Variants in MLLT10 observed in about 807,000 individuals in gnomAD.
MLLT10 encodes MLLT10 histone lysine methyltransferase DOT1L cofactor.
Under a neutral mutation model 129.1 loss-of-function variants are expected in MLLT10, and 30 were observed. The ratio of observed to expected loss-of-function variants is 0.23; its 90% CI spans 0.17 to 0.32. The LOEUF (loss-of-function observed/expected upper bound fraction) is 0.32, where lower values mean the gene tolerates loss of function less well. Among genes scored for constraint, MLLT10 ranks in the 10% least tolerant of loss-of-function variants. The probability of loss-of-function intolerance (pLI) is 1.00; values close to 1 mark genes in which losing one functional copy is unlikely to be tolerated. For synonymous variants in MLLT10, 490 were observed against 446.4 expected, an observed-to-expected ratio of 1.10 and a Z score of -1.23; for missense variants, 1,119 against 1,268.3, an observed-to-expected ratio of 0.88 and a Z score of 1.79.
intron 3 of MLLT10, among the ~76,000 whole-genome samples, chr10:21,576,287 G>C (rs1442740204): frequency 1.6e-4 from 23 of 147,546 alleles, no homozygotes; most frequent in Non-Finnish European, 2.8e-4. Flanking sequence ...CTGTCGCCCA[G>C]GCTGGAGTGC....
intron 13 of MLLT10, among the ~76,000 whole-genome samples, chr10:21,692,001 C>CAAAA (rs929971187): frequency 1.2e-3 from 57 of 49,356 alleles, no homozygotes; most frequent in Admixed American, 1.8e-3. Flanking sequence ...CTCATATCTA[C>CAAAA]AAAAAAAAAA....
At chr10:21,602,981 C>T (rs1220889810) in intron 5 of MLLT10, among the ~76,000 whole-genome samples, 1 of 152,010 alleles carries the variant, frequency 6.6e-6, no homozygotes, top group Middle Eastern at 3.2e-3. Context: ...ATCCACCTGC[C>T]TCGGCCTCCC....
At chr10:21,658,131 ATATAT>A (rs1206784192) in intron 9 of MLLT10, among the ~76,000 whole-genome samples, 10 of 152,198 alleles carry the variant, frequency 6.6e-5, no homozygotes, top group African/African-American at 1.2e-4. Context: ...TATATCATAA[ATATAT>A]TATACACGAT....
chr10:21,564,509 T>G (rs2039291909), intron 3 of MLLT10: 1 of 152,164 alleles, frequency 6.6e-6, no homozygotes, highest in East Asian at 1.9e-4. Context: ...GTGTCATTAC[T>G]GTTCAGGGAG....
intron 10 of MLLT10, 109 bp downstream of exon 10, chr10:21,670,813 G>A: frequency 2.4e-6 from 3 of 1,233,978 alleles, no homozygotes; most frequent in Non-Finnish European, 3.3e-6. Flanking sequence ...GGATGTTCTA[G>A]ATTATTATAT....
chr10:21,619,205 A>T (rs558151747), intron 8 of MLLT10, among the ~76,000 whole-genome samples: 1 of 152,308 alleles, frequency 6.6e-6, no homozygotes, highest in Admixed American at 6.5e-5. Context: ...TAGCAGAGTT[A>T]GTTTAATTAG....
At chr10:21,689,544 G>GT (rs2053608659) in intron 13 of MLLT10, among the ~76,000 whole-genome samples, 1 of 105,358 alleles carries the variant, frequency 9.5e-6, no homozygotes, top group African/African-American at 3.9e-5. Flanking sequence ...GCTGTGTAAA[G>GT]TAATATATAT....
chr10:21,611,004 T>TTC (rs2044577696), intron 5 of MLLT10, among the ~76,000 whole-genome samples: 3 of 142,286 alleles, frequency 2.1e-5, no homozygotes, highest in Non-Finnish European at 3.1e-5. Context: ...TTTTTTTTTT[T>TTC]CCTTTTTTTG....
At chr10:21,557,078 G>A in intron 3 of MLLT10, 1 of 1,410,754 alleles carries the variant, frequency 7.1e-7, no homozygotes, top group Admixed American at 3.1e-5. Context: ...AAACATTTTT[G>A]AATCATCTCA....
At chr10:21,684,230 T>G (rs963826081) in intron 13 of MLLT10, among the ~76,000 whole-genome samples, 1 of 152,156 alleles carries the variant, frequency 6.6e-6, no homozygotes, top group African/African-American at 2.4e-5. Context: ...TGATTAGTCC[T>G]TGATTGTTTT....
chr10:21,682,864 GT>G (rs1275774762), intron 13 of MLLT10, among the ~76,000 whole-genome samples: 1 of 152,094 alleles, frequency 6.6e-6, no homozygotes, highest in Non-Finnish European at 1.5e-5. Context: ...GGTTTCTTCA[GT>G]TTCCCCAAAG....
At chr10:21,541,005 C>T (rs774009232) in intron 3 of MLLT10, among the ~76,000 whole-genome samples, 3 of 151,912 alleles carry the variant, frequency 2.0e-5, no homozygotes, top group African/African-American at 4.8e-5. Context: ...ACTAAAAATA[C>T]AAAAATTAGC....
intron 5 of MLLT10, among the ~76,000 whole-genome samples, chr10:21,605,973 C>G (rs1310411196): frequency 6.6e-6 from 1 of 151,996 alleles, no homozygotes; most frequent in African/African-American, 2.4e-5. Context: ...CTGGAGTAAG[C>G]AAGTCTATCG....
chr10:21,537,832 C>T (rs2034335743), intron 2 of MLLT10, among the ~76,000 whole-genome samples: 1 of 152,148 alleles, frequency 6.6e-6, no homozygotes, highest in South Asian at 2.1e-4. Flanking sequence ...GCCTAGCAAG[C>T]TCATGCAGAA....
At chr10:21,618,148 A>G (rs1260701834) in intron 8 of MLLT10, among the ~76,000 whole-genome samples, 1 of 152,212 alleles carries the variant, frequency 6.6e-6, no homozygotes, top group Non-Finnish European at 1.5e-5. Context: ...CTGTATTTAA[A>G]ATTTAGATCT....
chr10:21,629,438 A>G (rs759847702), intron 8 of MLLT10, among the ~76,000 whole-genome samples: 1 of 152,088 alleles, frequency 6.6e-6, no homozygotes, highest in African/African-American at 2.4e-5. Flanking sequence ...CAGTACGGGT[A>G]GGCACTGCAC....
intron 13 of MLLT10, among the ~76,000 whole-genome samples, chr10:21,706,438 GGTTAA>G (rs1450702687): frequency 4.6e-5 from 7 of 152,170 alleles, no homozygotes; most frequent in Non-Finnish European, 7.3e-5. Context: ...GGTTGTGTGA[GGTTAA>G]GTTATTTGCA....
At chr10:21,555,959 G>A (rs1271004142) in intron 3 of MLLT10, among the ~76,000 whole-genome samples, 3 of 151,430 alleles carry the variant, frequency 2.0e-5, no homozygotes, top group Non-Finnish European at 2.9e-5. Context: ...TTTTCAAGTG[G>A]TGTGAGCCAC....
In MLLT10 at chr10:21,733,857, AGGAGTGAGT is replaced by A; in HGVS notation, c.2592_2600del (p.Ser865_Val867del). ...GGCAGAGTCCGGCTCAACAAGGCTC[AGGAGTGAGT>A]GGAGTTCAGCAGGTCAATGGCGTGA... On this transcript the variant is annotated inframe_deletion, in exon 20 of 23. Transcript: ENST00000307729. The A allele has an allele frequency of 6.2e-7, 1 of 1,614,204 alleles. No individual in the cohort carries two copies. The highest frequency in any genetic ancestry group is 8.5e-7 in the Non-Finnish European group (1 of 1,180,038).
Sources: gnomAD v4.1 joint callset for allele counts (sites outside exome capture counted in the v4.1 genomes callset) on GRCh38, gnomAD v4.1.1 for gene constraint, MANE v1.5 for transcripts, NCBI Gene and HGNC (gene_info 2026-07-23, HGNC 2026-07-21) for gene names.